The following GCLC variants were observed in gnomAD, a reference collection of about 807,000 sequenced individuals.
GCLC encodes the protein glutamate--cysteine ligase catalytic subunit.
A neutral mutation model predicts 81.5 loss-of-function variants in GCLC; 30 were observed. That is an observed-to-expected ratio of 0.37 (90% CI 0.28 to 0.50). The LOEUF (loss-of-function observed/expected upper bound fraction) is 0.50, where lower values mean the gene tolerates loss of function less well. Among genes scored for constraint, GCLC ranks in the 20% least tolerant of loss-of-function variants. The pLI, the probability that GCLC is intolerant of heterozygous loss-of-function variation, is 0.96. For synonymous variants in GCLC, 262 were observed against 273.3 expected (o/e 0.96, Z 0.41); for missense variants, 556 against 777.4 (o/e 0.72, Z 3.39).
chr6:53,527,838 T>C (rs1230807829), intron 1 of GCLC, among the ~76,000 whole-genome samples: 4 of 152,088 alleles, frequency 2.6e-5, no homozygotes, highest in Non-Finnish European at 5.9e-5. Flanking sequence ...CAACCTCCCA[T>C]AGGATCCCGT....
chr6:53,521,605 G>A (rs1286134795), intron 2 of GCLC, among the ~76,000 whole-genome samples: 1 of 152,154 alleles, frequency 6.6e-6, no homozygotes, highest in Non-Finnish European at 1.5e-5. Context: ...CAAAACGAAT[G>A]AGTGGAAAAT....
chr6:53,521,746 G>A (rs1270526906), intron 2 of GCLC, among the ~76,000 whole-genome samples: 1 of 152,114 alleles, frequency 6.6e-6, no homozygotes, highest in Non-Finnish European at 1.5e-5. Context: ...GGCTGAGGCG[G>A]GCAGATCATG....
At chr6:53,539,149 C>T (rs1763309682) in intron 1 of GCLC, among the ~76,000 whole-genome samples, 1 of 152,200 alleles carries the variant, frequency 6.6e-6, no homozygotes, top group African/African-American at 2.4e-5. Flanking sequence ...AAACAAAACC[C>T]ATATCTGAAA....
At chr6:53,542,387 A>C (rs1332320117) in intron 1 of GCLC, among the ~76,000 whole-genome samples, 1 of 152,186 alleles carries the variant, frequency 6.6e-6, no homozygotes, top group African/African-American at 2.4e-5. Flanking sequence ...AAGCAGAGAC[A>C]CGTACTTCAA....
chr6:53,509,259 G>A lies in GCLC; in HGVS notation c.754-9C>T, dbSNP rs1340513860. 6.5e-7 allele frequency: 1 copy of A among 1,546,410 alleles called. No individual in the cohort carries two copies. The highest frequency in any genetic ancestry group is 1.7e-5 in the Admixed American group (1 of 59,952). Reference sequence around the variant, plus strand: ...CAGGCTTGGAATGTCACCTGTTTAAGAATTGCAAAGTTATTAACACCAAGG... The same window carrying A: ...CAGGCTTGGAATGTCACCTGTTTAAAAATTGCAAAGTTATTAACACCAAGG... On this transcript the variant is annotated splice_polypyrimidine_tract_variant and intron_variant, in intron 6 of 15. Coordinates refer to ENST00000650454, the MANE Select transcript of GCLC (RefSeq NM_001498.4).
intron 4 of GCLC, among the ~76,000 whole-genome samples, 186 bp from the exon 5 acceptor site, chr6:53,514,683 A>G (rs1490513414): frequency 1.3e-5 from 2 of 152,238 alleles, no homozygotes; most frequent in African/African-American, 4.8e-5. Flanking sequence ...AAGATTTTGC[A>G]TTAGTATCAA....
rs756970019 is a variant in GCLC at position 53,498,930 on chromosome 6, A to G, written c.1740T>C (p.Phe580=). 1 of 1,613,718 alleles carries G rather than the reference A, an allele frequency of 6.2e-7. No individual in the cohort carries two copies. The highest frequency in any genetic ancestry group is 8.5e-7 in the Non-Finnish European group (1 of 1,179,618). Residue 580 remains phenylalanine (F), a synonymous_variant, in exon 16 of 16, where the codon TTT becomes TTC. Coordinates refer to ENST00000650454, the MANE Select transcript of GCLC (RefSeq NM_001498.4). Reference sequence around the variant, plus strand: ...GCTTGTAGTCAGGATGGTTTGCGATAAACTCCCTCATCCATCTGGCAACTG... The same window carrying G: ...GCTTGTAGTCAGGATGGTTTGCGATGAACTCCCTCATCCATCTGGCAACTG... ...LMTVARWMRE[F]IANHPDYKQD...
chr6:53,503,404 G>A (rs1581728189), intron 12 of GCLC: 1 of 152,114 alleles, frequency 6.6e-6, no homozygotes, highest in Admixed American at 6.5e-5. Context: ...AACAAACCAA[G>A]ACACTAGATA....
rs781746276 is a variant in GCLC at position 53,514,167 on chromosome 6, T to A, written c.753+37A>T. 3 of 1,606,218 alleles carry A rather than the reference T, an allele frequency of 1.9e-6. No individual in the cohort carries two copies. The East Asian group carries it at 6.7e-5, about 36-fold the overall frequency. On this transcript the variant is annotated intron_variant, in intron 6 of 15. Coordinates refer to ENST00000650454, the MANE Select transcript of GCLC (RefSeq NM_001498.4). ...AAAGAAGTTAAAAAACAGAAATGGA[T>A]GGAACACTTTGCCTCTCTGTATATT...
Position 53,513,902 on chromosome 6 carries a change from T to C in GCLC, c.753+302A>G, listed in dbSNP as rs1403379620. The C allele has an allele frequency of 1.5e-5, 5 of 342,758 alleles. No individual in the cohort carries two copies. In the Admixed American group the frequency reaches 1.8e-4, roughly 12 times the overall value. The allele number at this position is 342,758 out of a possible 1,614,324, so 21.2% of individuals were successfully genotyped here. Reference sequence around the variant, plus strand: ...GAGATGGCAGTAAAAACTAGGCATATAAAAAGAGAAGGGAAACAATGACAG... The same window carrying C: ...GAGATGGCAGTAAAAACTAGGCATACAAAAAGAGAAGGGAAACAATGACAG... On this transcript the variant is annotated intron_variant, in intron 6 of 15. Transcript: ENST00000650454.
chr6:53,507,127 G>C (rs1437857154), intron 9 of GCLC, 102 bp from the exon 10 acceptor site: 1 of 750,372 alleles, frequency 1.3e-6, no homozygotes, highest in East Asian at 2.7e-5. Flanking sequence ...TGAAGAAAGG[G>C]TGTCTAGAAG....
chr6:53,519,522 T>C (rs182698116), intron 3 of GCLC, among the ~76,000 whole-genome samples: 6 of 150,130 alleles, frequency 4.0e-5, no homozygotes, highest in African/African-American at 1.2e-4. Context: ...TATGAATCTA[T>C]GGGTATTTGA....
intron 1 of GCLC, among the ~76,000 whole-genome samples, chr6:53,526,303 T>TA (rs1763079774): frequency 6.6e-6 from 1 of 152,230 alleles, no homozygotes; most frequent in African/African-American, 2.4e-5. Context: ...ACTGAGGCGA[T>TA]GTAAGTACTC....
chr6:53,515,611 C>A (rs1287864501), intron 4 of GCLC, among the ~76,000 whole-genome samples: 2 of 152,168 alleles, frequency 1.3e-5, no homozygotes, highest in African/African-American at 2.4e-5. Context: ...AGCCTTAAAG[C>A]AACTTAAAAC....
intron 1 of GCLC, among the ~76,000 whole-genome samples, chr6:53,523,102 AATTT>A (rs1182801195): frequency 2.0e-5 from 3 of 152,010 alleles, no homozygotes; most frequent in African/African-American, 4.8e-5. Context: ...TATCTCAAGT[AATTT>A]AAGGCAACTT....
At chr6:53,515,629 T>C (rs1319144816) in intron 4 of GCLC, among the ~76,000 whole-genome samples, 9 of 152,154 alleles carry the variant, frequency 5.9e-5, no homozygotes, top group Non-Finnish European at 4.4e-5. Flanking sequence ...AACCTCAGAA[T>C]TGAACAACAA....
chr6:53,516,585 C>T (rs529051654), intron 3 of GCLC, among the ~76,000 whole-genome samples: 1 of 152,318 alleles, frequency 6.6e-6, no homozygotes, highest in East Asian at 1.9e-4. Context: ...TGACAGGTGT[C>T]CCCTACATGG....
chr6:53,526,008 T>G (rs1763074935), intron 1 of GCLC, among the ~76,000 whole-genome samples: 1 of 152,214 alleles, frequency 6.6e-6, no homozygotes, highest in Admixed American at 6.5e-5. Context: ...AAGGCTAAAT[T>G]TTATCCTACT....
Position 53,500,438 on chromosome 6 carries a change from A to G in GCLC, c.1471T>C (p.Cys491Arg). 1.9e-6 allele frequency: 3 copies of G among 1,609,594 alleles called. No individual in the cohort carries two copies. Among genetic ancestry groups the G allele is most frequent in the Non-Finnish European group, 2.6e-6 (3 of 1,175,844 alleles). ...QGMFYFRKDI[C>R]KGGNAVVDGC... ...ATCTAAGATAATGTAATACCTTTGC[A>G]AATATCTTTCCTGAAATAAAACATT... is the stretch of plus-strand genomic sequence containing the variant. Residue 491 changes from cysteine (C) to arginine (R), a missense_variant, in exon 13 of 16, where the codon TGC becomes CGC. By Grantham distance (180) the Cys-to-Arg change is radical. Around this residue, in one of 3 missense-constraint regions of GCLC, gnomAD observed 313 missense variants for 437.3 expected, o/e 0.72. Transcript: ENST00000650454.
Sources: allele counts gnomAD v4.1 joint callset (sites outside exome capture counted in the v4.1 genomes callset), GRCh38; gene constraint gnomAD v4.1.1; regional missense constraint gnomAD v4.1.1; transcripts MANE v1.5; gene names NCBI Gene and HGNC (gene_info 2026-07-23, HGNC 2026-07-21).